Variants in NUDCD3 observed in about 807,000 individuals in gnomAD.
NUDCD3 encodes the protein nudC domain-containing protein 3.
In NUDCD3, 13 loss-of-function variants were observed where a neutral mutation model predicts 39.7. The observed-to-expected ratio is 0.33, with a 90% CI of 0.21 to 0.52. NUDCD3 has a LOEUF of 0.52. Among genes scored for constraint, NUDCD3 ranks in the 20% least tolerant of loss-of-function variants. The pLI, the probability that NUDCD3 is intolerant of heterozygous loss-of-function variation, is 0.96. For missense variants in NUDCD3, 453 were observed against 458.1 expected (o/e 0.99, Z 0.10); for synonymous variants, 175 against 172.4 (o/e 1.02, Z -0.12).
intron 2 of NUDCD3, among the ~76,000 whole-genome samples, chr7:44,439,081 A>G (rs1799521906): frequency 6.6e-6 from 1 of 151,894 alleles, no homozygotes; most frequent in Non-Finnish European, 1.5e-5. Flanking sequence ...AACATACAGC[A>G]GGAGGAGGAG....
intron 3 of NUDCD3, among the ~76,000 whole-genome samples, chr7:44,416,953 C>G (rs1003720109): frequency 1.3e-5 from 2 of 152,180 alleles, no homozygotes; most frequent in Admixed American, 1.3e-4. Context: ...CTCACTATTT[C>G]AAGACACAGA....
At chr7:44,419,388 G>C (rs1405322125) in intron 3 of NUDCD3, among the ~76,000 whole-genome samples, 1 of 152,226 alleles carries the variant, frequency 6.6e-6, no homozygotes, top group Admixed American at 6.5e-5. Context: ...TGGGAGAAGG[G>C]ACGGCTGTGG....
At chr7:44,437,318 T>A (rs1442149891) in intron 2 of NUDCD3, among the ~76,000 whole-genome samples, 4 of 152,198 alleles carry the variant, frequency 2.6e-5, no homozygotes, top group Non-Finnish European at 5.9e-5. Flanking sequence ...TCTGCCCGCC[T>A]TGGCCTCCCA....
chr7:44,474,599 A>T (rs1800325154), intron 2 of NUDCD3, among the ~76,000 whole-genome samples: 1 of 152,200 alleles, frequency 6.6e-6, no homozygotes, highest in Non-Finnish European at 1.5e-5. Flanking sequence ...TCCAACTCTG[A>T]AAACGTTAAG....
intron 2 of NUDCD3, among the ~76,000 whole-genome samples, chr7:44,452,111 C>G (rs1799803807): frequency 6.6e-6 from 1 of 152,176 alleles, no homozygotes; most frequent in Non-Finnish European, 1.5e-5. Flanking sequence ...AGGGAGACAG[C>G]CCATCCCAAG....
intron 2 of NUDCD3, among the ~76,000 whole-genome samples, chr7:44,446,344 C>G (rs906242443): frequency 6.6e-6 from 1 of 152,198 alleles, no homozygotes; most frequent in African/African-American, 2.4e-5. Context: ...CAATCAGTGA[C>G]AAAGCATCAT....
intron 2 of NUDCD3, among the ~76,000 whole-genome samples, chr7:44,469,114 C>CAA (rs1800196975): frequency 2.0e-5 from 1 of 50,978 alleles, no homozygotes; most frequent in African/African-American, 7.4e-5. Context: ...AACAAACAAA[C>CAA]CAAAAAAAAA....
rs1431626602 is a variant in NUDCD3 at position 44,427,588 on chromosome 7, C to T, written c.625G>A (p.Val209Met). ...GCCATTACCTGCTTTCCCTTCACCA[C>T]GTGCTTGGGTACTGGCACCCTGACC... ...LEVRVPVPKH[V>M]VKGKQVSVAL... is the part of the protein sequence containing the mutation. The change falls in exon 3 of 6, where the codon GTG (valine) becomes ATG (methionine). Residue 209 changes from valine to methionine, a missense_variant. Val to Met is a conservative substitution (Grantham distance 21). Coordinates refer to ENST00000355451, the MANE Select transcript of NUDCD3 (RefSeq NM_015332.4). The T allele has an allele frequency of 3.1e-6, 5 of 1,613,046 alleles. No homozygotes were observed. The highest frequency in any genetic ancestry group is 2.5e-6 in the Non-Finnish European group (3 of 1,179,476).
At chr7:44,472,573 T>G (rs1487233926) in intron 2 of NUDCD3, among the ~76,000 whole-genome samples, 2 of 152,200 alleles carry the variant, frequency 1.3e-5, no homozygotes, top group East Asian at 3.8e-4. Context: ...GAGAAAAGTC[T>G]GGGGGTAAAA....
chr7:44,404,495 T>C lies in NUDCD3; in HGVS notation c.731A>G (p.His244Arg), dbSNP rs765176728. The change falls in exon 4 of 6, where the codon CAC becomes CGC. Residue 244 changes from histidine (H) to arginine (R), a missense_variant. Coordinates refer to ENST00000355451, the MANE Select transcript of NUDCD3 (RefSeq NM_015332.4). ...ERVLMEGKLT[H>R]KINTESSLWS... ...GAGAGAACTCTCAGTGTTGATCTTGTGGGTGAGCTTCCCTTCCATGAGGAC... is the reference window on the plus strand; with the variant it reads ...GAGAGAACTCTCAGTGTTGATCTTGCGGGTGAGCTTCCCTTCCATGAGGAC... The C allele has an allele frequency of 6.2e-7, 1 of 1,611,710 alleles. No homozygotes were observed. Among genetic ancestry groups the C allele is most frequent in the Non-Finnish European group, 8.5e-7 (1 of 1,179,080 alleles).
At chr7:44,484,027 C>T (rs1005024035) in intron 2 of NUDCD3, among the ~76,000 whole-genome samples, 1 of 152,124 alleles carries the variant, frequency 6.6e-6, no homozygotes, top group African/African-American at 2.4e-5. Context: ...AGTGTGCACG[C>T]ACACACACAA....
At chr7:44,427,888 A>C (rs547109933) in intron 2 of NUDCD3, among the ~76,000 whole-genome samples, 185 bp from the exon 3 acceptor site, 8 of 151,880 alleles carry the variant, frequency 5.3e-5, no homozygotes, top group Non-Finnish European at 7.4e-5. Context: ...TGACCCTCCT[A>C]CATGGTACCC....
intron 2 of NUDCD3, chr7:44,468,349 CAA>C (rs77181470): frequency 0.11 from 40,211 of 369,114 alleles, 191 homozygotes; most frequent in Non-Finnish European, 0.12. Context: ...GTAAAAACTG[CAA>C]AAAAAAAAAA....
At chr7:44,404,986 C>T (rs1674788328) in intron 3 of NUDCD3, among the ~76,000 whole-genome samples, 1 of 152,206 alleles carries the variant, frequency 6.6e-6, no homozygotes, top group Non-Finnish European at 1.5e-5. Context: ...CCCTGGACCA[C>T]AGCAACCAAG....
intron 2 of NUDCD3, among the ~76,000 whole-genome samples, chr7:44,477,620 T>C (rs549818936): frequency 1.3e-5 from 2 of 152,196 alleles, no homozygotes; most frequent in East Asian, 3.9e-4. Flanking sequence ...CGTGAGGTCA[T>C]CCAAGAGGCA....
intron 2 of NUDCD3, chr7:44,467,887 C>G (rs747860395): frequency 3.1e-6 from 5 of 1,601,538 alleles, no homozygotes; most frequent in Non-Finnish European, 4.2e-6. Flanking sequence ...GCCATCTCCT[C>G]CTCGGCATCA....
At chr7:44,449,231 C>G (rs577376818) in intron 2 of NUDCD3, among the ~76,000 whole-genome samples, 1 of 152,136 alleles carries the variant, frequency 6.6e-6, no homozygotes, top group Non-Finnish European at 1.5e-5. Context: ...AAAGACTAAT[C>G]GTTGGGGAGG....
At chr7:44,424,031 C>A (rs955336418) in intron 3 of NUDCD3, among the ~76,000 whole-genome samples, 1 of 152,176 alleles carries the variant, frequency 6.6e-6, no homozygotes, top group Non-Finnish European at 1.5e-5. Flanking sequence ...CTAACAAAAA[C>A]AAGCAATGGG....
Position 44,380,292 on chromosome 7 carries a change from T to A in NUDCD3, c.*5719A>T, listed in dbSNP as rs1798284867. ...CTCTCTAGACCCTCTGCCTGCCAGGTGTGTAAGCCTTTCTGCCTGGACAGC... is the reference window on the plus strand; with the variant it reads ...CTCTCTAGACCCTCTGCCTGCCAGGAGTGTAAGCCTTTCTGCCTGGACAGC... On this transcript the variant is annotated 3_prime_UTR_variant, in exon 6 of 6. Coordinates refer to ENST00000355451, the MANE Select transcript of NUDCD3 (RefSeq NM_015332.4). 1 of 152,426 alleles carries A rather than the reference T, an allele frequency of 6.6e-6. No homozygotes were observed. The allele number at this position is 152,426 out of a possible 1,614,324, so 9.4% of individuals were successfully genotyped here. A position where few individuals can be genotyped will look rare whatever the true frequency, so the allele number is the denominator to read the frequency against.
Sources: gnomAD v4.1 joint callset for allele counts (sites outside exome capture counted in the v4.1 genomes callset) on GRCh38, gnomAD v4.1.1 for gene constraint, MANE v1.5 for transcripts, NCBI Gene and HGNC (gene_info 2026-07-23, HGNC 2026-07-21) for gene names.